RANBP3: variants seen among roughly 807,000 people sequenced by gnomAD.
RANBP3 encodes the protein ran-binding protein 3.
A neutral mutation model predicts 77.3 loss-of-function variants in RANBP3; 14 were observed. The ratio of observed to expected loss-of-function variants is 0.18; its 90% CI spans 0.12 to 0.28. RANBP3 has a LOEUF of 0.28. RANBP3 is among the 10% of genes least tolerant of loss of function. The probability of loss-of-function intolerance (pLI) is 1.00; values close to 1 mark genes in which losing one functional copy is unlikely to be tolerated. For missense variants in RANBP3, 586 were observed against 752.3 expected, an observed-to-expected ratio of 0.78 and a Z score of 2.59; for synonymous variants, 315 against 312.4, an observed-to-expected ratio of 1.01 and a Z score of -0.09.
At chr19:5,969,263 CCT>C (rs1432400880) in intron 1 of RANBP3, among the ~76,000 whole-genome samples, 1 of 152,192 alleles carries the variant, frequency 6.6e-6, no homozygotes, top group Non-Finnish European at 1.5e-5. Flanking sequence ...TGCAAAACAT[CCT>C]CTCTCCTCTG....
chr19:5,944,065 C>T (rs539418186), intron 3 of RANBP3, among the ~76,000 whole-genome samples: 3 of 152,342 alleles, frequency 2.0e-5, no homozygotes, highest in African/African-American at 4.8e-5. Context: ...AACAGGGATG[C>T]GTGAGGTGAC....
At chr19:5,948,996 G>A (rs184271278) in intron 3 of RANBP3, among the ~76,000 whole-genome samples, 1 of 152,306 alleles carries the variant, frequency 6.6e-6, no homozygotes, top group East Asian at 1.9e-4. Flanking sequence ...TCCTGGTACT[G>A]ACTCTTCCAT....
At chr19:5,976,922 T>C (rs1004308142) in intron 1 of RANBP3, among the ~76,000 whole-genome samples, 6 of 152,170 alleles carry the variant, frequency 3.9e-5, no homozygotes, top group Non-Finnish European at 7.4e-5. Flanking sequence ...TTCCCAGCTG[T>C]GTGACACGCC....
chr19:5,951,005 G>A (rs147330747), intron 3 of RANBP3: 254 of 273,844 alleles, frequency 9.3e-4, no homozygotes, highest in Non-Finnish European at 1.4e-3. Flanking sequence ...GGGTTTCTAA[G>A]ACGCTAAACT....
At chr19:5,945,668 A>G (rs1048066904) in intron 3 of RANBP3, among the ~76,000 whole-genome samples, 1 of 151,672 alleles carries the variant, frequency 6.6e-6, no homozygotes, top group Non-Finnish European at 1.5e-5. Flanking sequence ...TGACTCGACT[A>G]TTTCTCCCTT....
intron 3 of RANBP3, among the ~76,000 whole-genome samples, chr19:5,948,060 C>T (rs966625765): frequency 1.4e-4 from 22 of 152,300 alleles, no homozygotes; most frequent in African/African-American, 5.3e-4. Flanking sequence ...AAGCCGACTC[C>T]ACAGACACAA....
intron 8 of RANBP3, 99 bp from the exon 9 acceptor site, chr19:5,928,186 G>C: frequency 7.2e-7 from 1 of 1,396,494 alleles, no homozygotes; most frequent in Non-Finnish European, 9.7e-7. Flanking sequence ...TACTCCACAC[G>C]TCTCCTCTGC....
chr19:5,954,814 A>T (rs1012023666), intron 2 of RANBP3, among the ~76,000 whole-genome samples: 11 of 152,198 alleles, frequency 7.2e-5, no homozygotes, highest in African/African-American at 1.9e-4. Flanking sequence ...GCCCTGAACC[A>T]GAAAGCCAAG....
intron 3 of RANBP3, among the ~76,000 whole-genome samples, chr19:5,943,140 C>T (rs1338335071): frequency 2.0e-5 from 3 of 152,196 alleles, no homozygotes; most frequent in East Asian, 1.9e-4. Context: ...GAGTGAGGGC[C>T]GCTCCTCCTG....
intron 7 of RANBP3, among the ~76,000 whole-genome samples, chr19:5,931,817 G>A (rs2057996051): frequency 6.6e-6 from 1 of 152,140 alleles, no homozygotes; most frequent in African/African-American, 2.4e-5. Context: ...GAGAATGCTT[G>A]GGGCCAGGAG....
intron 1 of RANBP3, among the ~76,000 whole-genome samples, chr19:5,974,053 T>C (rs1235981490): frequency 6.6e-6 from 1 of 152,106 alleles, no homozygotes; most frequent in Non-Finnish European, 1.5e-5. Flanking sequence ...CCAGGGGCTG[T>C]GTCAGGAGAC....
In RANBP3 at chr19:5,975,980, G is replaced by T. The variant is rs142457057; in HGVS notation, c.22+2081C>A. ...CATATTGGGGCCCACTATGGGCTGA[G>T]AAGTTCTCAGATGGGTAAGGGTGGA... On this transcript the variant is annotated intron_variant, in intron 1 of 16. Transcript: ENST00000340578. Among the ~76,000 whole-genome samples the T allele has an allele frequency of 4.5e-3, 682 of 152,280 alleles. 3 individuals are homozygous for T. Among genetic ancestry groups the T allele is most frequent in the African/African-American group, 0.016 (654 of 41,542 alleles).
intron 1 of RANBP3, among the ~76,000 whole-genome samples, chr19:5,968,123 C>G (rs1257169635): frequency 1.3e-5 from 2 of 152,232 alleles, no homozygotes; most frequent in East Asian, 3.8e-4. Context: ...GACACCAACA[C>G]AGCTGAGGCA....
rs770958237 is a variant in RANBP3, at chr19:5,923,363, C to T, written c.1100-60G>A. 7.5e-5 allele frequency: 112 copies of T among 1,487,084 alleles called. No individual in the cohort carries two copies. In the Middle Eastern group the frequency reaches 8.5e-4, roughly 11 times the overall value. 92.1% of individuals were successfully genotyped at this position (1,487,084 alleles called of 1,614,324 possible). A position where few individuals can be genotyped will look rare whatever the true frequency, so the allele number is the denominator to read the frequency against. ...ATTTGGCGAGAGGAGAGCCATCTCCCCTCATCCGACAGGAGATGAGAGGGT... is the reference window on the plus strand; with the variant it reads ...ATTTGGCGAGAGGAGAGCCATCTCCTCTCATCCGACAGGAGATGAGAGGGT... On this transcript the variant is annotated intron_variant, in intron 12 of 16. Transcript: ENST00000340578.
rs2057870739 is a variant in RANBP3, at chr19:5,924,279, C to A, written c.997-365G>T. Among the ~76,000 whole-genome samples the A allele has an allele frequency of 6.6e-6, 1 of 152,234 alleles. No individual in the cohort carries two copies. Among genetic ancestry groups the A allele is most frequent in the Admixed American group, 6.5e-5 (1 of 15,292 alleles). ...GAGTGACCAGGCGGCTCAGGACAGG[C>A]CCTCACGCAGTCGCAATGGAGCTGG... is the stretch of plus-strand genomic sequence containing the variant. On this transcript the variant is annotated intron_variant, in intron 11 of 16. Coordinates refer to ENST00000340578, the MANE Select transcript of RANBP3 (RefSeq NM_007322.3). This position sits in a 1 kb window ranked among gnomAD's most constrained non-coding sequence, Gnocchi z 4.7.
intron 2 of RANBP3, among the ~76,000 whole-genome samples, chr19:5,951,986 G>A (rs1294431843): frequency 6.6e-6 from 1 of 152,212 alleles, no homozygotes; most frequent in Non-Finnish European, 1.5e-5. Flanking sequence ...AAGTGGGGGA[G>A]CTGGCCATCA....
intron 15 of RANBP3, 23 bp downstream of exon 15, chr19:5,918,473 A>G (rs1229075862): frequency 1.2e-5 from 17 of 1,461,472 alleles, no homozygotes; most frequent in Non-Finnish European, 1.6e-5. Flanking sequence ...GGGGTCCCAG[A>G]TGCACCCGCG....
In RANBP3 at chr19:5,925,710, C is replaced by T. The variant is rs115320782; in HGVS notation, c.841G>A (p.Asp281Asn). The change falls in exon 10 of 17, where the codon GAC (aspartate) becomes AAC (asparagine). Residue 281 changes from aspartate (D) to asparagine (N), a missense_variant. Transcript: ENST00000340578. The part of the protein sequence containing the change: ...KLINESVDEA[D>N]MENAGHPSAD... ...CTGGGGTGTCCAGCATTCTCCATGT[C>T]GGCTTCGTCCACGCTCTCATTTATC... 3.7e-3 allele frequency: 6,018 copies of T among 1,613,818 alleles called. 24 individuals are homozygous for T. Among genetic ancestry groups the T allele is most frequent in the African/African-American group, 8.1e-3 (609 of 74,942 alleles).
At chr19:5,932,665 A>G in intron 6 of RANBP3, 121 bp from the exon 7 acceptor site, 1 of 694,214 alleles carries the variant, frequency 1.4e-6, no homozygotes, top group Non-Finnish European at 2.4e-6. Context: ...GCAGGGAAGC[A>G]CTTTTTTAAA....
Sources: gnomAD v4.1 joint callset for allele counts (sites outside exome capture counted in the v4.1 genomes callset) on GRCh38, gnomAD v4.1.1 for gene constraint, Gnocchi (gnomAD v3.1) non-coding constraint, MANE v1.5 for transcripts, NCBI Gene and HGNC (gene_info 2026-07-23, HGNC 2026-07-21) for gene names.